PACSIN2: variants seen among roughly 807,000 people sequenced by gnomAD.
The protein encoded by PACSIN2 is protein kinase C and casein kinase substrate in neurons protein 2.
PACSIN2 carries 25 observed loss-of-function variants against 63.8 expected under a neutral mutation model. The ratio of observed to expected loss-of-function variants is 0.39; its 90% confidence interval spans 0.29 to 0.55. PACSIN2 has a LOEUF of 0.55. PACSIN2 is among the 20% of genes least tolerant of loss of function. The probability of loss-of-function intolerance (pLI) is 0.62; values close to 1 mark genes in which losing one functional copy is unlikely to be tolerated. For missense variants in PACSIN2, 518 were observed against 646.9 expected (o/e 0.80, Z 2.16); for synonymous variants, 255 against 256.2 (o/e 1.00, Z 0.05).
intron 1 of PACSIN2, among the ~76,000 whole-genome samples, chr22:43,014,017 T>C (rs1280201112): frequency 1.3e-5 from 2 of 152,074 alleles, no homozygotes; most frequent in Admixed American, 1.3e-4. Context: ...CCCAAAGCAA[T>C]AGCACAGCTT....
At chr22:42,944,045 T>A in intron 1 of PACSIN2, among the ~76,000 whole-genome samples, 1 of 152,210 alleles carries the variant, frequency 6.6e-6, no homozygotes, top group East Asian at 1.9e-4. Context: ...AAGTTCTACC[T>A]GCTAAGCCAG....
intron 2 of PACSIN2, among the ~76,000 whole-genome samples, chr22:42,903,000 T>G (rs11914196): frequency 0.028 from 4,193 of 152,300 alleles, 66 homozygotes; most frequent in African/African-American, 0.036. Context: ...CATCAGCCAG[T>G]AACTTCATGG....
chr22:43,003,147 T>C (rs1315501387), intron 1 of PACSIN2, among the ~76,000 whole-genome samples: 1 of 152,196 alleles, frequency 6.6e-6, no homozygotes, highest in Admixed American at 6.5e-5. Context: ...AGGGAATAGG[T>C]TACTTGATCA....
intron 1 of PACSIN2, among the ~76,000 whole-genome samples, chr22:42,941,350 C>A (rs2146803624): frequency 6.6e-6 from 1 of 152,338 alleles, no homozygotes; most frequent in African/African-American, 2.4e-5. Flanking sequence ...GCTGCTATTA[C>A]CATTTGTGTA....
chr22:42,982,881 A>AC (rs1569350272), intron 1 of PACSIN2, among the ~76,000 whole-genome samples: 2 of 134,158 alleles, frequency 1.5e-5, no homozygotes, highest in Non-Finnish European at 3.2e-5. Context: ...AAAAAAAAAA[A>AC]AAAAAAAAAC....
chr22:43,002,622 C>A (rs917164830), intron 1 of PACSIN2, among the ~76,000 whole-genome samples: 1 of 152,028 alleles, frequency 6.6e-6, no homozygotes, highest in Non-Finnish European at 1.5e-5. Context: ...AATACACTTA[C>A]AAGCAGCAAG....
chr22:42,908,983 C>T (rs554869830), intron 2 of PACSIN2, among the ~76,000 whole-genome samples: 2 of 152,230 alleles, frequency 1.3e-5, no homozygotes, highest in East Asian at 3.9e-4. Flanking sequence ...TATTTTTCCC[C>T]TATATCTACA....
intron 9 of PACSIN2, 123 bp downstream of exon 9, chr22:42,876,765 G>A: frequency 1.6e-6 from 2 of 1,289,846 alleles, no homozygotes; most frequent in East Asian, 4.6e-5. Context: ...GGCACGCCAG[G>A]TGCCCACTTC....
intron 1 of PACSIN2, among the ~76,000 whole-genome samples, chr22:42,960,526 C>T (rs913320459): frequency 1.3e-5 from 2 of 152,142 alleles, no homozygotes; most frequent in Non-Finnish European, 2.9e-5. Context: ...AAAAACACCT[C>T]GCTTCTTCAA....
chr22:42,964,498 C>T (rs1920937101), intron 1 of PACSIN2, among the ~76,000 whole-genome samples: 1 of 151,738 alleles, frequency 6.6e-6, no homozygotes, highest in Non-Finnish European at 1.5e-5. Flanking sequence ...CCACAGATTG[C>T]AGTTCTGCGC....
intron 6 of PACSIN2, among the ~76,000 whole-genome samples, chr22:42,883,728 A>C (rs975573691): frequency 6.6e-6 from 1 of 152,244 alleles, no homozygotes; most frequent in South Asian, 2.1e-4. Context: ...AGCTGCGGCC[A>C]GGTGCGGTGG....
intron 1 of PACSIN2, among the ~76,000 whole-genome samples, chr22:42,964,397 G>A (rs557568384): frequency 8.9e-5 from 13 of 145,528 alleles, no homozygotes; most frequent in African/African-American, 3.4e-4. Flanking sequence ...CAGCCTGGGC[G>A]ACAGAGCGAG....
chr22:43,001,883 G>A (rs752602039), intron 1 of PACSIN2, among the ~76,000 whole-genome samples: 2 of 152,132 alleles, frequency 1.3e-5, no homozygotes, highest in Non-Finnish European at 2.9e-5. Flanking sequence ...TCCCCACCTG[G>A]AGCCCCTCTC....
intron 5 of PACSIN2, 57 bp downstream of exon 5, chr22:42,888,586 A>G (rs1929659522): frequency 6.4e-7 from 1 of 1,563,936 alleles, no homozygotes; most frequent in Admixed American, 1.7e-5. Flanking sequence ...TATATGCCAG[A>G]CACGTCAACA....
intron 1 of PACSIN2, among the ~76,000 whole-genome samples, chr22:42,988,372 C>G (rs1407038248): frequency 2.0e-5 from 3 of 152,140 alleles, no homozygotes; most frequent in African/African-American, 7.2e-5. Context: ...CAGGAGAGGA[C>G]CACAACCAAA....
chr22:42,876,517 C>A (rs1928644269), intron 9 of PACSIN2, among the ~76,000 whole-genome samples, 184 bp from the exon 10 acceptor site: 2 of 150,144 alleles, frequency 1.3e-5, no homozygotes, highest in Non-Finnish European at 2.9e-5. Flanking sequence ...GAGCCATCAA[C>A]AGGCTTTCCA....
intron 2 of PACSIN2, among the ~76,000 whole-genome samples, chr22:42,900,104 CTGGAGCACCAGCG>C (rs1352826268): frequency 1.3e-5 from 2 of 152,176 alleles, no homozygotes; most frequent in South Asian, 2.1e-4. Context: ...CCCGTCCTTG[CTGGAGCACCAGCG>C]TGGAGCACCA....
intron 1 of PACSIN2, among the ~76,000 whole-genome samples, chr22:42,974,830 AGAG>A (rs879889564): frequency 7.2e-5 from 11 of 151,880 alleles, no homozygotes; most frequent in South Asian, 2.1e-4. Context: ...AAGAAGAAGA[AGAG>A]GAGGAGGAGG....
At chr22:42,904,178 C>T (rs964422115) in intron 2 of PACSIN2, among the ~76,000 whole-genome samples, 2 of 152,202 alleles carry the variant, frequency 1.3e-5, no homozygotes, top group African/African-American at 4.8e-5. Context: ...CTAACTCTTC[C>T]TCAAGGCCGT....
Sources: gnomAD v4.1 joint callset for allele counts (sites outside exome capture counted in the v4.1 genomes callset) on GRCh38, gnomAD v4.1.1 for gene constraint, MANE v1.5 for transcripts, NCBI Gene and HGNC (gene_info 2026-07-23, HGNC 2026-07-21) for gene names.